The following BAIAP3 variants were observed in gnomAD, a reference collection of about 807,000 sequenced individuals.
The protein encoded by BAIAP3 is BAI1 associated protein 3, also known as BAI1-associated protein 3.
In BAIAP3, 180 loss-of-function variants were observed where a neutral mutation model predicts 149.7. That is an observed-to-expected ratio of 1.20 (90% confidence interval 1.07 to 1.36). The LOEUF is 1.36. BAIAP3 is among the 40% of genes most tolerant of loss of function. The probability of loss-of-function intolerance (pLI) is 0.00; values close to 1 mark genes in which losing one functional copy is unlikely to be tolerated. For synonymous variants in BAIAP3, 845 were observed against 670.7 expected, an observed-to-expected ratio of 1.26 and a Z score of -4.02; for missense variants, 1,767 against 1,563.4, an observed-to-expected ratio of 1.13 and a Z score of -2.20.
intron 3 of BAIAP3, 21 bp from the exon 4 acceptor site, chr16:1,339,143 C>T: frequency 3.2e-6 from 5 of 1,567,448 alleles, no homozygotes; most frequent in Non-Finnish European, 4.3e-6. Flanking sequence ...TCAGAGCCCT[C>T]ACCCTGGGCC....
rs890344388 is a variant in BAIAP3, at chr16:1,338,689, C to T, written c.131+9C>T. ...CCTGCCACGGGGGCCTGGTGGGTGC[C>T]GAGGGGCCCAGCCCCACACGCCCAC... On this transcript the variant is annotated intron_variant, in intron 2 of 33. Transcript: ENST00000426824. The T allele has an allele frequency of 2.6e-5, 41 of 1,572,162 alleles. No homozygotes were observed. The highest frequency in any genetic ancestry group is 2.1e-4 in the Middle Eastern group (1 of 4,746).
intron 14 of BAIAP3, 171 bp downstream of exon 14, chr16:1,343,187 C>T: frequency 1.9e-6 from 2 of 1,060,144 alleles, no homozygotes; most frequent in Admixed American, 2.2e-5. Context: ...GGGGGCGGTG[C>T]TACGGGTAGG....
intron 15 of BAIAP3, 28 bp from the exon 16 acceptor site, chr16:1,343,994 C>T: frequency 1.2e-6 from 2 of 1,610,732 alleles, no homozygotes; most frequent in East Asian, 2.2e-5. Context: ...GTCGGGGCTG[C>T]TGGCACTGAA....
Position 1,343,453 on chromosome 16 carries a change from G to A in BAIAP3, c.1326G>A (p.Leu442=). The part of the protein sequence containing the change: ...QTCTLDYSYL[L]GLLEDMQAHW... ...GCACGCTGGACTACAGCTACCTGCT[G>A]GGGCTGCTGGAGGACATGCAGGCAC... is the stretch of plus-strand genomic sequence containing the variant. The change falls in exon 15 of 34, where the codon CTG becomes CTA. Residue 442 remains leucine, a synonymous_variant. Coordinates refer to ENST00000426824, the MANE Select transcript of BAIAP3 (RefSeq NM_001199097.2). 6.3e-7 allele frequency: 1 copy of A among 1,594,542 alleles called. No individual in the cohort carries two copies. Among genetic ancestry groups the A allele is most frequent in the Non-Finnish European group, 8.5e-7 (1 of 1,172,072 alleles).
At chr16:1,341,249 G>A in intron 7 of BAIAP3, 45 bp from the exon 8 acceptor site, 1 of 1,606,096 alleles carries the variant, frequency 6.2e-7, no homozygotes, top group Non-Finnish European at 8.5e-7. Context: ...GGCCATGGAG[G>A]GCCAGAGGGC....
intron 29 of BAIAP3, 49 bp downstream of exon 29, chr16:1,347,418 T>C: frequency 6.2e-7 from 1 of 1,603,542 alleles, no homozygotes; most frequent in Non-Finnish European, 8.5e-7. Flanking sequence ...GGGGACTGAG[T>C]TCAAACTGCA....
intron 14 of BAIAP3, 29 bp downstream of exon 14, chr16:1,343,045 G>A: frequency 6.3e-7 from 1 of 1,591,532 alleles, no homozygotes; most frequent in Non-Finnish European, 8.5e-7. Flanking sequence ...GAGTGGGCGG[G>A]GAATGTGGGC....
chr16:1,341,809 G>T lies in BAIAP3; in HGVS notation c.732-13G>T, dbSNP rs868176500. 25 of 1,611,886 alleles carry T rather than the reference G, an allele frequency of 1.6e-5. No homozygotes were observed. Among genetic ancestry groups the T allele is most frequent in the Middle Eastern group, 3.3e-4 (2 of 6,078 alleles). On this transcript the variant is annotated splice_polypyrimidine_tract_variant and intron_variant, in intron 8 of 33. Transcript: ENST00000426824. ...GCCGGGGACCCTCATGGGCATCTCT[G>T]TTCTCCTTGTAGCGAGATTGAGGAT... is the stretch of plus-strand genomic sequence containing the variant.
In BAIAP3 at chr16:1,341,115, C is replaced by A; in HGVS notation, c.469-14C>A. On this transcript the variant is annotated splice_polypyrimidine_tract_variant and intron_variant, in intron 6 of 33. Transcript: ENST00000426824. The stretch of plus-strand genomic sequence containing the variant: ...CTCAGCCTCACCAGGCCCCCCACGC[C>A]CCTCTGTCCACAGGCCCCCACGTAT... The A allele has an allele frequency of 6.2e-7, 1 of 1,611,404 alleles. No homozygotes were observed.
rs769513853 is a variant in BAIAP3, at chr16:1,348,132, CTG to C, written c.3192_3193del (p.Leu1065ValfsTer231). The stretch of plus-strand genomic sequence containing the variant: ...CCGAGGCGTGCCGCCGCCGCGCGGC[CTG>C]TGTGTTGTTCACCGTCATGGACCAC... ...PAEACRRRAACVLFTVMDHDW... is the reference protein window; with the variant it reads ...PAEACRRRAAXVLFTVMDHDW... On this transcript the variant is annotated frameshift_variant, in exon 33 of 34. Transcript: ENST00000426824. LOFTEE classifies it high-confidence loss of function. 6.2e-7 allele frequency: 1 copy of C among 1,606,480 alleles called. No homozygotes were observed.
rs1443258177 is a variant in BAIAP3, at chr16:1,338,997, T to C, written c.219+8T>C. 12 of 1,612,312 alleles carry C rather than the reference T, an allele frequency of 7.4e-6. No individual in the cohort carries two copies. The highest frequency in any genetic ancestry group is 1.0e-5 in the Non-Finnish European group (12 of 1,179,690). ...GGCTTGCCGTGCCTCGAGGTAAGGG[T>C]GCCACCCCCAGGGCCCGATACCACA... On this transcript the variant is annotated splice_region_variant and intron_variant, in intron 3 of 33. Transcript: ENST00000426824.
chr16:1,335,611 C>T (rs2033400973), intron 1 of BAIAP3, among the ~76,000 whole-genome samples: 1 of 152,204 alleles, frequency 6.6e-6, no homozygotes, highest in African/African-American at 2.4e-5. Context: ...TCCCAGGGCC[C>T]ACGCAGTTGG....
chr16:1,347,517 G>GC (rs34339539), intron 29 of BAIAP3, 28 bp from the exon 30 acceptor site: 1,270,207 of 1,579,682 alleles, frequency 0.8, 513,248 homozygotes, highest in East Asian at 0.96. Flanking sequence ...GCACCCAGGG[G>GC]CCCCTCCTGA....
At chr16:1,334,513 C>T (rs2033334104) in intron 1 of BAIAP3, 2 of 664,610 alleles carry the variant, frequency 3.0e-6, no homozygotes, top group South Asian at 3.7e-5. Context: ...CAGACACGGG[C>T]GAGGGGAGGA....
chr16:1,348,348 G>T (rs759831694), intron 33 of BAIAP3, 31 bp from the exon 34 acceptor site: 3 of 1,608,560 alleles, frequency 1.9e-6, no homozygotes, highest in South Asian at 1.1e-5. Context: ...CCTGACCCCG[G>T]CCCCCACACA....
intron 4 of BAIAP3, 103 bp downstream of exon 4, chr16:1,339,347 G>A (rs1361705352): frequency 7.3e-6 from 11 of 1,509,868 alleles, no homozygotes; most frequent in South Asian, 1.2e-5. Context: ...ATGGCAGAGA[G>A]CCAGGGTGAG....
In BAIAP3 at chr16:1,344,682, G is replaced by A. The variant is rs565955956; in HGVS notation, c.1741G>A (p.Ala581Thr). ...CCTTCAGTTCTGCTACAGTGTGTAC[G>A]CCAGCCTCTTCCACAGGTGGGCCTG... ...DDLQFCYSVY[A>T]SLFHSILNVD... The change falls in exon 19 of 34, where the codon GCC becomes ACC. Residue 581 changes from alanine (A) to threonine (T), a missense_variant. Coordinates refer to ENST00000426824, the MANE Select transcript of BAIAP3 (RefSeq NM_001199097.2). 23 of 1,612,142 alleles carry A rather than the reference G, an allele frequency of 1.4e-5. No homozygotes were observed. Among genetic ancestry groups the A allele is most frequent in the Admixed American group, 3.3e-5 (2 of 60,002 alleles).
intron 5 of BAIAP3, among the ~76,000 whole-genome samples, chr16:1,339,842 ACACACGCACACAGGC>A (rs2033750371): frequency 1.6e-5 from 2 of 122,304 alleles, no homozygotes; most frequent in Non-Finnish European, 3.5e-5. Context: ...GTGCACACAG[ACACACGCACACAGGC>A]TGCAGGTGCA....
rs745386081 is a variant in BAIAP3, at chr16:1,344,736, TCGGAGCCAA to T, written c.1757+40_1757+48del. ...CCTCAGTGCTGTCCTGGGGCTGGGGTCGGAGCCAACAGGGCCTGCAGGTGGGGCGCAGGT... is the reference window on the plus strand; with the variant it reads ...CCTCAGTGCTGTCCTGGGGCTGGGGTCAGGGCCTGCAGGTGGGGCGCAGGT... On this transcript the variant is annotated intron_variant, in intron 19 of 33. Transcript: ENST00000426824. 22 of 1,588,384 alleles carry T rather than the reference TCGGAGCCAA, an allele frequency of 1.4e-5. No individual in the cohort carries two copies. The South Asian group carries it at 1.4e-4, about 10-fold the overall frequency.
Sources: gnomAD v4.1 joint callset for allele counts (sites outside exome capture counted in the v4.1 genomes callset) on GRCh38, gnomAD v4.1.1 for gene constraint, MANE v1.5 for transcripts, NCBI Gene and HGNC (gene_info 2026-07-23, HGNC 2026-07-21) for gene names.